Variants in COPE observed in about 807,000 individuals in gnomAD.
The protein encoded by COPE is coatomer subunit epsilon.
In COPE, 19 loss-of-function variants were observed where a neutral mutation model predicts 42.1. The observed-to-expected ratio is 0.45, with a 90% CI of 0.31 to 0.66. The LOEUF (loss-of-function observed/expected upper bound fraction) is 0.66, where lower values mean the gene tolerates loss of function less well. Ranked by LOEUF, COPE falls within the 30% of genes least tolerant of loss-of-function variation. The probability of loss-of-function intolerance (pLI) is 0.05; values close to 1 mark genes in which losing one functional copy is unlikely to be tolerated. For missense variants in COPE, 402 were observed against 416.1 expected (o/e 0.97, Z 0.30); for synonymous variants, 195 against 181.3 (o/e 1.08, Z -0.60).
At chr19:18,900,934 TG>T (rs1302068493) in intron 7 of COPE, among the ~76,000 whole-genome samples, 3 of 152,212 alleles carry the variant, frequency 2.0e-5, no homozygotes. Context: ...GCCAGAGCCC[TG>T]GTGTCTGCTT....
At chr19:18,905,694 C>A in intron 4 of COPE, 65 bp from the exon 5 acceptor site, 1 of 1,504,868 alleles carries the variant, frequency 6.6e-7, no homozygotes. Context: ...CCGCTCCACA[C>A]CCAGGGCTCA....
chr19:18,909,820 T>G (rs562833398), intron 3 of COPE, among the ~76,000 whole-genome samples: 1 of 152,254 alleles, frequency 6.6e-6, no homozygotes, highest in East Asian at 1.9e-4. Flanking sequence ...GCCCTCCTTT[T>G]ATCTCTTAAA....
intron 7 of COPE, among the ~76,000 whole-genome samples, chr19:18,902,513 A>G (rs2056709712): frequency 6.9e-6 from 1 of 144,442 alleles, no homozygotes; most frequent in African/African-American, 2.6e-5. Context: ...AAAAATACAA[A>G]AATTAGCCAG....
intron 3 of COPE, among the ~76,000 whole-genome samples, chr19:18,910,182 C>T (rs988888401): frequency 2.0e-5 from 3 of 152,194 alleles, no homozygotes; most frequent in African/African-American, 7.2e-5. Context: ...ACAGCCCAGC[C>T]CCCTCTCCCC....
chr19:18,909,905 G>A (rs1205061100), intron 3 of COPE, among the ~76,000 whole-genome samples: 1 of 152,076 alleles, frequency 6.6e-6, no homozygotes, highest in African/African-American at 2.4e-5. Context: ...TAATCTGATC[G>A]GCAAAGACCC....
Position 18,903,723 on chromosome 19 carries a change from A to T in COPE, c.580-300T>A, listed in dbSNP as rs1042359979. On this transcript the variant is annotated intron_variant, in intron 6 of 9. Coordinates refer to ENST00000262812, the MANE Select transcript of COPE (RefSeq NM_007263.4). Reference sequence around the variant, plus strand: ...GCACAGGTGGCTGGCTCAGGGTCTGAGTGGGGACCACTGGGTCACTGAGCA... The same window carrying T: ...GCACAGGTGGCTGGCTCAGGGTCTGTGTGGGGACCACTGGGTCACTGAGCA... Among the ~76,000 whole-genome samples the T allele has an allele frequency of 2.0e-5, 3 of 152,196 alleles. 1 individual carries two copies. In the South Asian group the frequency reaches 6.2e-4, roughly 31 times the overall value.
chr19:18,914,097 T>G (rs901195520), intron 1 of COPE, among the ~76,000 whole-genome samples: 1 of 152,174 alleles, frequency 6.6e-6, no homozygotes, highest in Non-Finnish European at 1.5e-5. Flanking sequence ...AGAGTGGGTA[T>G]CTGGCTATGA....
At chr19:18,908,556 G>T (rs1156283772) in intron 3 of COPE, among the ~76,000 whole-genome samples, 3 of 141,030 alleles carry the variant, frequency 2.1e-5, no homozygotes, top group African/African-American at 8.2e-5. Context: ...TCGCACTTTC[G>T]CCCAGGCTGG....
chr19:18,917,250 T>C (rs939824434), intron 1 of COPE, among the ~76,000 whole-genome samples: 2 of 150,100 alleles, frequency 1.3e-5, no homozygotes, highest in South Asian at 2.1e-4. Context: ...TCTTTTTTTT[T>C]TTTTTTTTTT....
chr19:18,900,104 G>C (rs78547683), intron 8 of COPE, 157 bp from the exon 9 acceptor site: 48,828 of 645,266 alleles, frequency 0.076, 2,164 homozygotes, highest in Middle Eastern at 0.12. Flanking sequence ...CCTTCAGGGT[G>C]GGGGTGGAGG....
At chr19:18,904,894 G>A (rs1449134603) in intron 5 of COPE, 42 bp from the exon 6 acceptor site, 2 of 1,534,278 alleles carry the variant, frequency 1.3e-6, no homozygotes, top group Non-Finnish European at 1.8e-6. Context: ...GTGGCCGAGG[G>A]CCCTGGCCTG....
chr19:18,909,206 G>A (rs1274386774), intron 3 of COPE, among the ~76,000 whole-genome samples: 1 of 152,214 alleles, frequency 6.6e-6, no homozygotes, highest in East Asian at 1.9e-4. Flanking sequence ...ACTCCAGCTG[G>A]TGAAGTAAGT....
At chr19:18,900,094 C>A (rs117672387) in intron 8 of COPE, 147 bp from the exon 9 acceptor site, 1 of 679,628 alleles carries the variant, frequency 1.5e-6, no homozygotes, top group Non-Finnish European at 2.4e-6. Context: ...TCTCGGAGAA[C>A]CTTCAGGGTG....
In COPE at chr19:18,907,821, C is replaced by T. The variant is rs551197590; in HGVS notation, c.291-709G>A. Among the ~76,000 whole-genome samples the T allele has an allele frequency of 5.9e-5, 9 of 152,334 alleles. No homozygotes were observed. In the South Asian group the frequency reaches 1.0e-3, roughly 18 times the overall value. Reference sequence around the variant, plus strand: ...GGGTTCAAACGTGGCTCTGTGACCCCGTAAGCATCCACGCGCATCTGGGGG... The same window carrying T: ...GGGTTCAAACGTGGCTCTGTGACCCTGTAAGCATCCACGCGCATCTGGGGG... On this transcript the variant is annotated intron_variant, in intron 3 of 9. Coordinates refer to ENST00000262812, the MANE Select transcript of COPE (RefSeq NM_007263.4).
At chr19:18,908,899 G>A (rs978265660) in intron 3 of COPE, among the ~76,000 whole-genome samples, 1 of 152,162 alleles carries the variant, frequency 6.6e-6, no homozygotes. Context: ...TCGGGAGGCT[G>A]AGGTGGGATG....
In COPE at chr19:18,903,248, T is replaced by C. The variant is rs754658203; in HGVS notation, c.735+20A>G. ...CCTGGCCTTCCCTCCGTCCCCACTC[T>C]GGGACAGGCTTGTGCCTACCTTGTC... On this transcript the variant is annotated intron_variant, in intron 7 of 9. Coordinates refer to ENST00000262812, the MANE Select transcript of COPE (RefSeq NM_007263.4). The C allele has an allele frequency of 3.9e-6, 6 of 1,553,394 alleles. No individual in the cohort carries two copies. In the Admixed American group the frequency reaches 5.8e-5, roughly 15 times the overall value.
chr19:18,909,540 A>T (rs1403228464), intron 3 of COPE, among the ~76,000 whole-genome samples: 1 of 140,274 alleles, frequency 7.1e-6, no homozygotes, highest in African/African-American at 2.7e-5. Flanking sequence ...TTTTTTTTTA[A>T]GACAGTCTCC....
chr19:18,915,384 A>G (rs2056845822), intron 1 of COPE, among the ~76,000 whole-genome samples: 1 of 152,206 alleles, frequency 6.6e-6, no homozygotes, highest in South Asian at 2.1e-4. Flanking sequence ...CACTGGAGAG[A>G]CAAGAGTGCC....
chr19:18,919,268 G>A lies in COPE; in HGVS notation c.81C>T (p.Tyr27=), dbSNP rs200039262. 2.1e-4 allele frequency: 334 copies of A among 1,613,978 alleles called. 7 individuals carry two copies. In the Admixed American group the frequency reaches 5.4e-3, roughly 26 times the overall value. ...DELFDVKNAF[Y]IGSYQQCINE... ...TTATGCACTGCTGGTAGCTGCCGAT[G>A]TAGAAGGCGTTCTTTACGTCGAACA... The change falls in exon 1 of 10, where the codon TAC becomes TAT. Residue 27 remains tyrosine, a synonymous_variant. Transcript: ENST00000262812.
Sources: gnomAD v4.1 joint callset for allele counts (sites outside exome capture counted in the v4.1 genomes callset) on GRCh38, gnomAD v4.1.1 for gene constraint, MANE v1.5 for transcripts, NCBI Gene and HGNC (gene_info 2026-07-23, HGNC 2026-07-21) for gene names.